ARFGEF1: variants seen among roughly 807,000 people sequenced by gnomAD.
ARFGEF1 encodes brefeldin A-inhibited guanine nucleotide-exchange protein 1.
ARFGEF1 carries 42 observed loss-of-function variants against 231.0 expected under a neutral mutation model. That is an observed-to-expected ratio of 0.18 (90% CI 0.14 to 0.24). The LOEUF (loss-of-function observed/expected upper bound fraction) is 0.24, where lower values mean the gene tolerates loss of function less well. Ranked by LOEUF, ARFGEF1 falls within the 10% of genes least tolerant of loss-of-function variation. The pLI, the probability that ARFGEF1 is intolerant of heterozygous loss-of-function variation, is 1.00. For synonymous variants in ARFGEF1, 710 were observed against 732.3 expected (o/e 0.97, Z 0.49); for missense variants, 1,345 against 2,192.0 (o/e 0.61, Z 7.72).
chr8:67,288,111 G>A, intron 6 of ARFGEF1, 46 bp from the exon 7 acceptor site: 1 of 1,331,618 alleles, frequency 7.5e-7, no homozygotes, highest in Non-Finnish European at 1.0e-6. Flanking sequence ...TAACTTTTTG[G>A]AAGCTTTTTA....
At chr8:67,283,182 AT>A (rs1805609606) in intron 7 of ARFGEF1, among the ~76,000 whole-genome samples, 1 of 152,198 alleles carries the variant, frequency 6.6e-6, no homozygotes, top group Non-Finnish European at 1.5e-5. Flanking sequence ...TTACAGTGAC[AT>A]TATAGCACTG....
At chr8:67,229,354 CCTA>C in intron 23 of ARFGEF1, among the ~76,000 whole-genome samples, 2 of 152,022 alleles carry the variant, frequency 1.3e-5, no homozygotes, top group Middle Eastern at 6.8e-3. Context: ...ACCCTTTTTT[CCTA>C]CTATCACAAT....
At chr8:67,279,479 T>TCA (rs1054096885) in intron 7 of ARFGEF1, among the ~76,000 whole-genome samples, 41 of 152,170 alleles carry the variant, frequency 2.7e-4, no homozygotes, top group African/African-American at 7.2e-4. Flanking sequence ...TCAAATATTT[T>TCA]CACACACACA....
chr8:67,285,407 C>T (rs988567731), intron 7 of ARFGEF1, among the ~76,000 whole-genome samples: 1 of 152,080 alleles, frequency 6.6e-6, no homozygotes, highest in Non-Finnish European at 1.5e-5. Flanking sequence ...GACTCAGATA[C>T]TCAGGAGACT....
chr8:67,234,189 AATTCT>A (rs1839641627), intron 22 of ARFGEF1, among the ~76,000 whole-genome samples: 1 of 152,124 alleles, frequency 6.6e-6, no homozygotes, highest in African/African-American at 2.4e-5. Flanking sequence ...GCTGAACTCA[AATTCT>A]ATTCTAGGAA....
chr8:67,259,690 G>A (rs1840578845), intron 15 of ARFGEF1, 125 bp downstream of exon 15: 1 of 571,560 alleles, frequency 1.7e-6, no homozygotes, highest in East Asian at 3.1e-5. Context: ...TGAGGCAGGA[G>A]GATTGCCTGA....
intron 1 of ARFGEF1, among the ~76,000 whole-genome samples, chr8:67,304,470 T>G (rs144926490): frequency 1.5e-3 from 225 of 152,354 alleles, no homozygotes; most frequent in African/African-American, 5.2e-3. Flanking sequence ...GATCTGTATA[T>G]CAGTTACTAA....
At chr8:67,230,134 A>C (rs1334950652) in intron 23 of ARFGEF1, among the ~76,000 whole-genome samples, 2 of 152,056 alleles carry the variant, frequency 1.3e-5, no homozygotes, top group East Asian at 3.9e-4. Context: ...GTAATGCTCC[A>C]CTAAAGATAA....
intron 19 of ARFGEF1, among the ~76,000 whole-genome samples, chr8:67,243,749 C>T (rs1418317453): frequency 1.3e-5 from 2 of 152,124 alleles, no homozygotes; most frequent in African/African-American, 4.8e-5. Context: ...GAAAACACGA[C>T]CTCACCAAAC....
chr8:67,185,123 AC>A (rs1289009404), intron 5 of ARFGEF1, among the ~76,000 whole-genome samples: 17 of 141,888 alleles, frequency 1.2e-4, no homozygotes, highest in African/African-American at 4.6e-4. Flanking sequence ...AAAAACAAAA[AC>A]AAACAAACAA....
intron 17 of ARFGEF1, among the ~76,000 whole-genome samples, chr8:67,254,819 A>G (rs1452533892): frequency 6.6e-6 from 1 of 152,188 alleles, no homozygotes; most frequent in Non-Finnish European, 1.5e-5. Flanking sequence ...TATTACCATG[A>G]AAGTTTTCAA....
chr8:67,228,088 G>T lies in ARFGEF1; in HGVS notation c.3466C>A (p.Leu1156Ile). 1 of 1,609,818 alleles carries T rather than the reference G, an allele frequency of 6.2e-7. No individual in the cohort carries two copies. Among genetic ancestry groups the T allele is most frequent in the Non-Finnish European group, 8.5e-7 (1 of 1,178,628 alleles). Residue 1156 changes from leucine (L) to isoleucine (I), a missense_variant, in exon 25 of 39, where the codon CTT becomes ATT. Coordinates refer to ENST00000262215, the MANE Select transcript of ARFGEF1 (RefSeq NM_006421.5). ...WLCAVSMDEL[L>I]STTHPRMFSL... is the part of the protein sequence containing the mutation. ...AACATTCTTGGGTGTGTCGTGGAAA[G>T]TAATTCATCCATAGACACAGCACAG...
At chr8:67,293,019 G>C (rs891235732) in intron 5 of ARFGEF1, among the ~76,000 whole-genome samples, 1 of 152,134 alleles carries the variant, frequency 6.6e-6, no homozygotes, top group African/African-American at 2.4e-5. Flanking sequence ...TGCTTTGTAA[G>C]GAGTTTTATT....
chr8:67,221,460 CA>C (rs1007341403), intron 29 of ARFGEF1, among the ~76,000 whole-genome samples: 2 of 149,748 alleles, frequency 1.3e-5, no homozygotes, highest in South Asian at 4.3e-4. Context: ...TAGTTTTTAA[CA>C]AAAAAGTCTA....
chr8:67,256,980 T>C (rs1207667479), intron 17 of ARFGEF1, among the ~76,000 whole-genome samples: 1 of 152,096 alleles, frequency 6.6e-6, no homozygotes, highest in Non-Finnish European at 1.5e-5. Flanking sequence ...AGGAAAGAGA[T>C]ATAGATAGAA....
At chr8:67,191,319 T>C (rs558787475) in intron 5 of ARFGEF1, among the ~76,000 whole-genome samples, 5 of 152,346 alleles carry the variant, frequency 3.3e-5, no homozygotes, top group African/African-American at 1.2e-4. Flanking sequence ...TTTCCTTATA[T>C]ATGACGTGAA....
At position 67,343,569 on chromosome 8, in the gene ARFGEF1, G is replaced by A. The variant is rs1315655454; in HGVS notation, c.-282C>T. On this transcript the variant is annotated 5_prime_UTR_variant, in exon 1 of 39. Coordinates refer to ENST00000262215, the MANE Select transcript of ARFGEF1 (RefSeq NM_006421.5). Reference sequence around the variant, plus strand: ...CCGGCCCGGGGGTCGCGTCCCGGCCGCCCCTCTCACTCGTCCCTCCGGCCC... The same window carrying A: ...CCGGCCCGGGGGTCGCGTCCCGGCCACCCCTCTCACTCGTCCCTCCGGCCC... 10 of 1,118,628 alleles carry A rather than the reference G, an allele frequency of 8.9e-6. No individual in the cohort carries two copies. Among genetic ancestry groups the A allele is most frequent in the South Asian group, 6.4e-5 (2 of 31,186 alleles). 69.3% of individuals were successfully genotyped at this position (1,118,628 alleles called of 1,614,324 possible).
intron 14 of ARFGEF1, among the ~76,000 whole-genome samples, chr8:67,264,312 A>C (rs1354236752): frequency 6.6e-6 from 1 of 152,130 alleles, no homozygotes; most frequent in Admixed American, 6.6e-5. Flanking sequence ...TACAGATTGC[A>C]GGGATATTAG....
At chr8:67,211,976 C>T (rs1838767316) in intron 33 of ARFGEF1, among the ~76,000 whole-genome samples, 1 of 152,134 alleles carries the variant, frequency 6.6e-6, no homozygotes, top group South Asian at 2.1e-4. Context: ...GACCCAGGGA[C>T]TAGAAAGGTC....
Sources: allele counts gnomAD v4.1 joint callset (sites outside exome capture counted in the v4.1 genomes callset), GRCh38; gene constraint gnomAD v4.1.1; transcripts MANE v1.5; gene names NCBI Gene and HGNC (gene_info 2026-07-23, HGNC 2026-07-21).